The following PHF21B variants were observed in gnomAD, a reference collection of about 807,000 sequenced individuals.
The protein encoded by PHF21B is PHD finger protein 4.
PHF21B carries 22 observed loss-of-function variants against 62.2 expected under a neutral mutation model. The ratio of observed to expected loss-of-function variants is 0.35; its 90% CI spans 0.25 to 0.51. The LOEUF (loss-of-function observed/expected upper bound fraction) is 0.51, where lower values mean the gene tolerates loss of function less well. Ranked by LOEUF, PHF21B falls within the 20% of genes least tolerant of loss-of-function variation. PHF21B has a pLI of 0.97. For missense variants in PHF21B, 701 were observed against 707.9 expected (o/e 0.99, Z 0.11); for synonymous variants, 341 against 314.7 (o/e 1.08, Z -0.88).
chr22:44,961,789 C>T (rs1050068216), intron 2 of PHF21B, among the ~76,000 whole-genome samples: 1 of 151,702 alleles, frequency 6.6e-6, no homozygotes, highest in Non-Finnish European at 1.5e-5. Flanking sequence ...TGCAGTGAGC[C>T]GAGGTTGCGC....
intron 2 of PHF21B, among the ~76,000 whole-genome samples, chr22:44,932,137 G>C (rs1248652555): frequency 6.6e-6 from 1 of 152,260 alleles, no homozygotes; most frequent in Non-Finnish European, 1.5e-5. Flanking sequence ...AAGACCCGGA[G>C]GTTAGTTTTC....
At chr22:44,904,476 G>C (rs1363310868) in intron 5 of PHF21B, among the ~76,000 whole-genome samples, 1 of 152,084 alleles carries the variant, frequency 6.6e-6, no homozygotes, top group Admixed American at 6.5e-5. Flanking sequence ...TCTTTCTTTT[G>C]CCCTTGCTCT....
chr22:44,965,958 C>T (rs2072517258), intron 2 of PHF21B, among the ~76,000 whole-genome samples: 1 of 152,352 alleles, frequency 6.6e-6, no homozygotes, highest in East Asian at 1.9e-4. Context: ...CCAGAAATCC[C>T]ACTTCCAAAG....
At chr22:44,896,644 T>C (rs1308809886) in intron 5 of PHF21B, among the ~76,000 whole-genome samples, 1 of 152,194 alleles carries the variant, frequency 6.6e-6, no homozygotes, top group Non-Finnish European at 1.5e-5. Flanking sequence ...TTGAACATCA[T>C]GAACCTACTA....
At chr22:44,919,904 G>C (rs1403174718) in intron 3 of PHF21B, among the ~76,000 whole-genome samples, 1 of 152,222 alleles carries the variant, frequency 6.6e-6, no homozygotes, top group Non-Finnish European at 1.5e-5. Flanking sequence ...CAGGTGACTG[G>C]GGCAAAGCGT....
intron 2 of PHF21B, among the ~76,000 whole-genome samples, chr22:44,965,652 C>T (rs1006727870): frequency 2.0e-5 from 3 of 152,184 alleles, no homozygotes; most frequent in Non-Finnish European, 4.4e-5. Flanking sequence ...CTGTCTGGGC[C>T]GTCTGTCTCC....
intron 2 of PHF21B, among the ~76,000 whole-genome samples, chr22:44,991,262 A>T (rs2073038620): frequency 6.6e-6 from 1 of 152,198 alleles, no homozygotes; most frequent in Non-Finnish European, 1.5e-5. Context: ...ATTCCCTAAA[A>T]TGGGTAAAAG....
At chr22:44,964,053 A>C (rs2072476364) in intron 2 of PHF21B, among the ~76,000 whole-genome samples, 1 of 152,232 alleles carries the variant, frequency 6.6e-6, no homozygotes, top group Non-Finnish European at 1.5e-5. Flanking sequence ...GGTTGCTGGA[A>C]GCCTCGGCTT....
intron 2 of PHF21B, among the ~76,000 whole-genome samples, chr22:44,984,182 CCACCATCATCACCACCACT>C (rs2147485161): frequency 2.7e-5 from 4 of 145,708 alleles, no homozygotes; most frequent in African/African-American, 5.1e-5. Context: ...ACCATCACAA[CCACCATCATCACCACCACT>C]ACCACCATCA....
intron 2 of PHF21B, among the ~76,000 whole-genome samples, chr22:44,926,936 A>C (rs1177875368): frequency 6.6e-6 from 1 of 151,856 alleles, no homozygotes; most frequent in Non-Finnish European, 1.5e-5. Flanking sequence ...CTCTGCTTCC[A>C]CACGAGTTCT....
chr22:44,908,604 C>A (rs965096953), intron 5 of PHF21B, among the ~76,000 whole-genome samples: 16 of 152,190 alleles, frequency 1.1e-4, no homozygotes, highest in African/African-American at 3.9e-4. Flanking sequence ...GCTGCAGCGA[C>A]AGCGGAGTTG....
At chr22:44,933,082 C>T (rs1332962406) in intron 2 of PHF21B, among the ~76,000 whole-genome samples, 1 of 151,834 alleles carries the variant, frequency 6.6e-6, no homozygotes, top group Non-Finnish European at 1.5e-5. Flanking sequence ...GCTCCCGCCC[C>T]GCTGTGGAAA....
chr22:44,900,209 C>T (rs1031712076), intron 5 of PHF21B, among the ~76,000 whole-genome samples: 15 of 152,156 alleles, frequency 9.9e-5, no homozygotes, highest in African/African-American at 2.9e-4. Flanking sequence ...ATATTTGATG[C>T]TCACCCCAGT....
chr22:44,937,752 C>T (rs56250228), intron 2 of PHF21B, among the ~76,000 whole-genome samples: 9,343 of 152,316 alleles, frequency 0.061, 413 homozygotes, highest in Non-Finnish European at 0.093. Flanking sequence ...CTGAGAAACA[C>T]GCAGGGAAAG....
At chr22:44,941,927 A>G (rs1212721247) in intron 2 of PHF21B, among the ~76,000 whole-genome samples, 1 of 152,226 alleles carries the variant, frequency 6.6e-6, no homozygotes, top group Non-Finnish European at 1.5e-5. Context: ...CAGTGGGCAC[A>G]GACCCATCCC....
chr22:44,896,331 T>C lies in PHF21B; in HGVS notation c.832-248A>G, dbSNP rs562046508. 6.6e-5 allele frequency among the ~76,000 whole-genome samples: 10 copies of C among 152,162 alleles called. No individual in the cohort carries two copies. In the South Asian group the frequency reaches 1.7e-3, roughly 25 times the overall value. On this transcript the variant is annotated intron_variant, in intron 5 of 12. Coordinates refer to ENST00000313237, the MANE Select transcript of PHF21B (RefSeq NM_138415.5). ...TGGATACGTGTATTCAAACATACTT[T>C]AAGGGGCTAAGGTGCACATAGCTGG... is the stretch of plus-strand genomic sequence containing the variant.
intron 2 of PHF21B, among the ~76,000 whole-genome samples, chr22:44,938,619 T>C (rs1318189699): frequency 6.6e-6 from 1 of 152,268 alleles, no homozygotes; most frequent in Non-Finnish European, 1.5e-5. Context: ...GGAGCCCAGC[T>C]GGTGCACAGA....
chr22:44,921,726 T>C (rs1328713156), intron 2 of PHF21B, among the ~76,000 whole-genome samples: 1 of 151,496 alleles, frequency 6.6e-6, no homozygotes, highest in Non-Finnish European at 1.5e-5. Flanking sequence ...TGGCGTGATC[T>C]TGGCTCACTG....
intron 2 of PHF21B, among the ~76,000 whole-genome samples, chr22:44,929,351 TC>T (rs1322702669): frequency 6.6e-6 from 1 of 152,094 alleles, no homozygotes; most frequent in Non-Finnish European, 1.5e-5. Context: ...CCATTTGGTG[TC>T]CCCCACCCTC....
Sources: allele counts gnomAD v4.1 joint callset (sites outside exome capture counted in the v4.1 genomes callset), GRCh38; gene constraint gnomAD v4.1.1; transcripts MANE v1.5; gene names NCBI Gene and HGNC (gene_info 2026-07-23, HGNC 2026-07-21).